CBX1: variants seen among roughly 807,000 people sequenced by gnomAD.
CBX1 encodes the protein chromobox protein homolog 1.
Under a neutral mutation model 25.1 loss-of-function variants are expected in CBX1, and 10 were observed. That is an observed-to-expected ratio of 0.40 (90% CI 0.25 to 0.68). CBX1 has a LOEUF of 0.68. Among genes scored for constraint, CBX1 ranks in the 30% least tolerant of loss-of-function variants. The pLI, the probability that CBX1 is intolerant of heterozygous loss-of-function variation, is 0.40. For missense variants in CBX1, 106 were observed against 218.5 expected (o/e 0.49, Z 3.25); for synonymous variants, 63 against 79.4 (o/e 0.79, Z 1.10).
chr17:48,082,546 T>C (rs2144444907), intron 1 of CBX1, among the ~76,000 whole-genome samples: 1 of 148,892 alleles, frequency 6.7e-6, no homozygotes, highest in East Asian at 1.9e-4. Context: ...TCTATAATTT[T>C]ATTTATTTTT....
chr17:48,084,760 A>G, intron 1 of CBX1, among the ~76,000 whole-genome samples: 1 of 149,826 alleles, frequency 6.7e-6, no homozygotes, highest in East Asian at 2.0e-4. Context: ...TGTACAAAAA[A>G]TTAGCTGGGC....
At chr17:48,100,922 A>T in intron 1 of CBX1, 1 of 985,938 alleles carries the variant, frequency 1.0e-6, no homozygotes, top group East Asian at 1.1e-4. Flanking sequence ...CCAAGCCTCA[A>T]GCCTGTCCCC....
chr17:48,072,570 G>A (rs1051224992), intron 4 of CBX1, among the ~76,000 whole-genome samples: 2 of 151,992 alleles, frequency 1.3e-5, no homozygotes, highest in African/African-American at 2.4e-5. Context: ...GGTGGATCAC[G>A]AGGTCAGATC....
intron 1 of CBX1, chr17:48,095,794 G>A (rs1006143387): frequency 1.3e-5 from 2 of 152,238 alleles, no homozygotes; most frequent in Admixed American, 1.3e-4. Context: ...TAGTCTGTAA[G>A]CTGTGGCTGT....
chr17:48,087,656 T>TAG (rs2063320176), intron 1 of CBX1, among the ~76,000 whole-genome samples: 1 of 151,376 alleles, frequency 6.6e-6, no homozygotes, highest in African/African-American at 2.4e-5. Flanking sequence ...GGCAGATCAC[T>TAG]AGGTCATGAG....
At chr17:48,072,864 C>T (rs975353775) in intron 4 of CBX1, among the ~76,000 whole-genome samples, 4 of 152,006 alleles carry the variant, frequency 2.6e-5, no homozygotes, top group Admixed American at 2.6e-4. Context: ...GGAGCAGTAG[C>T]TCACGCCTAT....
intron 4 of CBX1, among the ~76,000 whole-genome samples, chr17:48,073,933 T>C (rs529976455): frequency 6.6e-6 from 1 of 151,532 alleles, no homozygotes; most frequent in East Asian, 1.9e-4. Context: ...AGAAAAAGTA[T>C]ATTCTAGCTA....
At chr17:48,085,883 G>A (rs1404261523) in intron 1 of CBX1, among the ~76,000 whole-genome samples, 2 of 151,986 alleles carry the variant, frequency 1.3e-5, no homozygotes, top group Non-Finnish European at 2.9e-5. Context: ...CCTGGCCAAC[G>A]TGGCGAAACC....
chr17:48,090,546 A>G (rs529321609), intron 1 of CBX1, among the ~76,000 whole-genome samples: 1 of 152,234 alleles, frequency 6.6e-6, no homozygotes, highest in East Asian at 1.9e-4. Context: ...CGAAGCCACC[A>G]TCATCTCTTG....
intron 2 of CBX1, 94 bp from the exon 3 acceptor site, chr17:48,076,272 T>C (rs2037673988): frequency 3.0e-6 from 3 of 985,322 alleles, no homozygotes; most frequent in Non-Finnish European, 4.2e-6. Context: ...CAGATGTCTA[T>C]GGAAAAGCTG....
At chr17:48,080,278 C>A (rs2037717859) in intron 1 of CBX1, among the ~76,000 whole-genome samples, 1 of 152,120 alleles carries the variant, frequency 6.6e-6, no homozygotes, top group African/African-American at 2.4e-5. Context: ...CTCAAGTGAT[C>A]TGCCCGTTTT....
At chr17:48,097,024 T>C (rs1242418305) in intron 1 of CBX1, among the ~76,000 whole-genome samples, 1 of 150,670 alleles carries the variant, frequency 6.6e-6, no homozygotes, top group East Asian at 2.0e-4. Context: ...CCAAGGAGGG[T>C]GGATCACCTG....
intron 1 of CBX1, among the ~76,000 whole-genome samples, chr17:48,095,086 G>A (rs2063366641): frequency 6.6e-6 from 1 of 151,916 alleles, no homozygotes; most frequent in African/African-American, 2.4e-5. Flanking sequence ...GTGTGCTCCT[G>A]TACAGGGCCA....
At chr17:48,096,977 G>A (rs759855209) in intron 1 of CBX1, among the ~76,000 whole-genome samples, 7 of 151,980 alleles carry the variant, frequency 4.6e-5, no homozygotes, top group Non-Finnish European at 7.4e-5. Context: ...CAAGTTGGGC[G>A]TGGTGGCTCA....
intron 4 of CBX1, among the ~76,000 whole-genome samples, chr17:48,072,057 C>A (rs373156553): frequency 6.7e-6 from 1 of 149,138 alleles, no homozygotes; most frequent in African/African-American, 2.5e-5. Context: ...AGTGCAGTGG[C>A]ATGATCTCGG....
At chr17:48,097,616 CAAAA>C (rs373074939) in intron 1 of CBX1, among the ~76,000 whole-genome samples, 2 of 80,084 alleles carry the variant, frequency 2.5e-5, no homozygotes, top group East Asian at 3.5e-4. Flanking sequence ...GACTCTGTCT[CAAAA>C]AAAAAAAAAA....
intron 4 of CBX1, among the ~76,000 whole-genome samples, chr17:48,073,824 CAAAAAAAAAAA>C (rs60857566): frequency 3.6e-5 from 3 of 82,500 alleles, no homozygotes; most frequent in Non-Finnish European, 6.7e-5. Flanking sequence ...GAGACTGTCT[CAAAAAAAAAAA>C]AAAAAAAAAA....
intron 1 of CBX1, among the ~76,000 whole-genome samples, chr17:48,097,758 T>C (rs1448194210): frequency 2.0e-5 from 3 of 152,096 alleles, no homozygotes; most frequent in Non-Finnish European, 4.4e-5. Flanking sequence ...GCAGGAAAGA[T>C]TTAATACAAG....
intron 1 of CBX1, chr17:48,088,041 T>C (rs994465297): frequency 2.6e-5 from 4 of 152,236 alleles, no homozygotes; most frequent in African/African-American, 9.6e-5. Context: ...CCAGGCGCAG[T>C]GGCTCACGCC....
Sources: gnomAD v4.1 joint callset for allele counts (sites outside exome capture counted in the v4.1 genomes callset) on GRCh38, gnomAD v4.1.1 for gene constraint, MANE v1.5 for transcripts, NCBI Gene and HGNC (gene_info 2026-07-23, HGNC 2026-07-21) for gene names.